The following ALG1 variants were observed in gnomAD, a reference collection of about 807,000 sequenced individuals.
The protein encoded by ALG1 is ALG1 chitobiosyldiphosphodolichol beta-mannosyltransferase, also known as chitobiosyldiphosphodolichol beta-mannosyltransferase.
In ALG1, 58 loss-of-function variants were observed where a neutral mutation model predicts 55.1. The ratio of observed to expected loss-of-function variants is 1.05; its 90% CI spans 0.85 to 1.31. The LOEUF (loss-of-function observed/expected upper bound fraction) is 1.31, where lower values mean the gene tolerates loss of function less well. ALG1 is among the 50% of genes most tolerant of loss of function. The pLI, the probability that ALG1 is intolerant of heterozygous loss-of-function variation, is 0.00. For synonymous variants in ALG1, 309 were observed against 247.0 expected, an observed-to-expected ratio of 1.25 and a Z score of -2.35; for missense variants, 761 against 598.6, an observed-to-expected ratio of 1.27 and a Z score of -2.83.
intron 10 of ALG1, 54 bp downstream of exon 10, chr16:5,081,110 G>GGGGGGGGGT: frequency 1.9e-6 from 1 of 519,952 alleles, no homozygotes; most frequent in Non-Finnish European, 3.5e-6. Context: ...GGGTGGGCGG[G>GGGGGGGGGT]ATGTACTTTT....
rs1567173876 is a variant in ALG1 at position 5,085,164 on chromosome 16, T to G, written c.*283T>G. On this transcript the variant is annotated 3_prime_UTR_variant, in exon 13 of 13. Transcript: ENST00000262374. ...TGTTCTGTGACTTCCCTGTGACCTC[T>G]GCAGAACTCCTCATCCTGCGTTTGG... The G allele has an allele frequency of 1.7e-6, 1 of 599,460 alleles. No homozygotes were observed. Among genetic ancestry groups the G allele is most frequent in the Non-Finnish European group, 2.9e-6 (1 of 343,104 alleles). 37.1% of individuals were successfully genotyped at this position (599,460 alleles called of 1,614,324 possible). A position where few individuals can be genotyped will look rare whatever the true frequency, so the allele number is the denominator to read the frequency against.
chr16:5,077,814 C>T (rs1459753113), intron 5 of ALG1, 93 bp from the exon 6 acceptor site: 15 of 1,245,598 alleles, frequency 1.2e-5, no homozygotes, highest in Non-Finnish European at 1.7e-5. Flanking sequence ...CTTGGATTCC[C>T]CAAGCGTCCT....
chr16:5,079,400 T>A (rs551435068), intron 8 of ALG1, among the ~76,000 whole-genome samples: 144 of 152,068 alleles, frequency 9.5e-4, no homozygotes, highest in Non-Finnish European at 1.7e-3. Context: ...ATTTAAAAAT[T>A]TTTTTCTGAA....
At position 5,083,770 on chromosome 16, in the gene ALG1, G is replaced by A. The variant is rs781334770; in HGVS notation, c.1263+13G>A. ...AGCTCAGCTGCAGGTAGCCACGTCT[G>A]CCACCACGCCAGGGTGGGGAGGGTT... On this transcript the variant is annotated intron_variant, in intron 12 of 12. Coordinates refer to ENST00000262374, the MANE Select transcript of ALG1 (RefSeq NM_019109.5). The A allele has an allele frequency of 1.3e-6, 2 of 1,597,598 alleles. No homozygotes were observed. Among genetic ancestry groups the A allele is most frequent in the Non-Finnish European group, 1.7e-6 (2 of 1,179,778 alleles).
At chr16:5,077,287 T>C (rs1956930137) in intron 4 of ALG1, among the ~76,000 whole-genome samples, 158 bp from the exon 5 acceptor site, 1 of 152,136 alleles carries the variant, frequency 6.6e-6, no homozygotes, top group Non-Finnish European at 1.5e-5. Context: ...AAGGAGGGTA[T>C]ATACAGCATA....
chr16:5,086,774 C>A lies in ALG1; in HGVS notation c.*1893C>A, dbSNP rs552855261. 3 of 152,366 alleles carry A rather than the reference C, an allele frequency of 2.0e-5. No individual in the cohort carries two copies. In the East Asian group the frequency reaches 5.8e-4, roughly 29 times the overall value. The allele number at this position is 152,366 out of a possible 1,614,324, so 9.4% of individuals were successfully genotyped here. A position where few individuals can be genotyped will look rare whatever the true frequency, so the allele number is the denominator to read the frequency against. ...CAACGCCTCCCAGGTTCAAGTGATT[C>A]TCCTGCCTCAGTCTCCCGAGTAGCT... On this transcript the variant is annotated 3_prime_UTR_variant, in exon 13 of 13. Transcript: ENST00000262374.
Position 5,079,099 on chromosome 16 carries a change from G to C in ALG1, c.898G>C (p.Glu300Gln). 6.3e-7 allele frequency: 1 copy of C among 1,597,164 alleles called. No individual in the cohort carries two copies. Among genetic ancestry groups the C allele is most frequent in the Non-Finnish European group, 8.5e-7 (1 of 1,179,572 alleles). The change falls in exon 8 of 13, where the codon GAA becomes CAA. Residue 300 changes from glutamate to glutamine, a missense_variant. By Grantham distance (29) the Glu-to-Gln change is conservative. Coordinates refer to ENST00000262374, the MANE Select transcript of ALG1 (RefSeq NM_019109.5). ...CTTCTCCATCCTGCTGGCAGCTTTAGAAAGTAGGTGTGTGGCTGCGGTGAG... is the reference window on the plus strand; with the variant it reads ...CTTCTCCATCCTGCTGGCAGCTTTACAAAGTAGGTGTGTGGCTGCGGTGAG... ...EDFSILLAAL[E>Q]KFEQLTLDGH...
intron 9 of ALG1, among the ~76,000 whole-genome samples, chr16:5,080,629 C>T (rs886756397): frequency 6.6e-6 from 1 of 152,212 alleles, no homozygotes; most frequent in Non-Finnish European, 1.5e-5. Context: ...GTCCCCTGTG[C>T]ACAACACAGA....
chr16:5,078,844 G>T lies in ALG1; in HGVS notation c.828G>T (p.Arg276=). 1 of 1,611,900 alleles carries T rather than the reference G, an allele frequency of 6.2e-7. No individual in the cohort carries two copies. Among genetic ancestry groups the T allele is most frequent in the Non-Finnish European group, 8.5e-7 (1 of 1,179,756 alleles). ...GSGLVTRLRE[R]PALLVSSTSW... The stretch of plus-strand genomic sequence containing the variant: ...GGCTGGTGACGCGTCTCCGTGAGCG[G>T]CCAGCCCTGCTGGTCAGCAGCACGA... Residue 276 remains arginine (R), a synonymous_variant, in exon 7 of 13, where the codon CGG becomes CGT. Coordinates refer to ENST00000262374, the MANE Select transcript of ALG1 (RefSeq NM_019109.5).
At chr16:5,081,455 AT>A (rs1957016784) in intron 10 of ALG1, among the ~76,000 whole-genome samples, 1 of 152,126 alleles carries the variant, frequency 6.6e-6, no homozygotes, top group African/African-American at 2.4e-5. Flanking sequence ...TTCCCCGTTG[AT>A]TTCTCCAAGT....
At chr16:5,073,300 A>C (rs1038806552) in intron 3 of ALG1, 44 bp downstream of exon 3, 17 of 1,567,744 alleles carry the variant, frequency 1.1e-5, no homozygotes, top group Non-Finnish European at 1.4e-5. Context: ...CCATGTTAGC[A>C]GTTTACTTTC....
chr16:5,083,846 G>A, intron 12 of ALG1, 89 bp downstream of exon 12: 1 of 1,583,164 alleles, frequency 6.3e-7, no homozygotes, highest in Non-Finnish European at 8.5e-7. Flanking sequence ...CCCACAGCCA[G>A]GGTGGGACCA....
intron 4 of ALG1, among the ~76,000 whole-genome samples, chr16:5,076,283 C>T (rs556425256): frequency 1.3e-5 from 2 of 152,360 alleles, no homozygotes; most frequent in Non-Finnish European, 2.9e-5. Flanking sequence ...CTGTGGCCTT[C>T]GCCCTGATAG....
In ALG1 at chr16:5,082,603, C is replaced by G. The variant is rs751179598; in HGVS notation, c.1117C>G (p.Leu373Val). 2.5e-6 allele frequency: 4 copies of G among 1,612,050 alleles called. No homozygotes were observed. Among genetic ancestry groups the G allele is most frequent in the Non-Finnish European group, 3.4e-6 (4 of 1,179,872 alleles). ...CTGTCTGCACACGTCCTCCAGTGGC[C>G]TGGACCTGCCCATGAAGGTGGTGGA... Reference protein sequence around the residue: ...GVCLHTSSSGLDLPMKVVDMF... With the variant: ...GVCLHTSSSGVDLPMKVVDMF... The change falls in exon 11 of 13, where the codon CTG becomes GTG. Residue 373 changes from leucine to valine, a missense_variant. Transcript: ENST00000262374.
Position 5,075,660 on chromosome 16 carries a change from C to G in ALG1, c.539+124C>G, listed in dbSNP as rs549386429. The G allele has an allele frequency of 2.8e-5, 35 of 1,233,014 alleles. No homozygotes were observed. In the African/African-American group the frequency reaches 4.6e-4, roughly 16 times the overall value. The allele number at this position is 1,233,014 out of a possible 1,614,324, so 76.4% of individuals were successfully genotyped here. A position where few individuals can be genotyped will look rare whatever the true frequency, so the allele number is the denominator to read the frequency against. On this transcript the variant is annotated intron_variant, in intron 4 of 12. Transcript: ENST00000262374. ...GGGCTCTGCAGGAGGTGGGGTGAGG[C>G]TGGTGAATCAGGCCGAATGCTGGTT...
intron 6 of ALG1, 197 bp from the exon 7 acceptor site, chr16:5,078,560 T>C (rs1956956579): frequency 1.1e-6 from 1 of 890,468 alleles, no homozygotes; most frequent in Non-Finnish European, 1.8e-6. Flanking sequence ...TTGTTTGCTG[T>C]TGTAACCTTA....
At position 5,085,848 on chromosome 16, in the gene ALG1, A is replaced by C; in HGVS notation, c.*967A>C. ...GGTAGGGGGGTGTCCAAGTCAGTTT[A>C]CTTGGTTCACAGGTTCCCAGGCCCA... is the stretch of plus-strand genomic sequence containing the variant. On this transcript the variant is annotated 3_prime_UTR_variant, in exon 13 of 13. Coordinates refer to ENST00000262374, the MANE Select transcript of ALG1 (RefSeq NM_019109.5). 1.2e-6 allele frequency: 1 copy of C among 833,220 alleles called. No homozygotes were observed. Among genetic ancestry groups the C allele is most frequent in the Non-Finnish European group, 2.1e-6 (1 of 479,166 alleles). The allele number at this position is 833,220 out of a possible 1,614,324, so 51.6% of individuals were successfully genotyped here.
Position 5,073,191 on chromosome 16 carries a change from C to A in ALG1, c.325C>A (p.Leu109Ile). 1 of 1,614,200 alleles carries A rather than the reference C, an allele frequency of 6.2e-7. No individual in the cohort carries two copies. The change falls in exon 3 of 13, where the codon CTT becomes ATT. Residue 109 changes from leucine (L) to isoleucine (I), a missense_variant. Leu to Ile is a conservative substitution (Grantham distance 5). Transcript: ENST00000262374. ...TTTCCAGTACGGAGTCAAAGTTGTA[C>A]TTCAGGCTATGTACTTGCTGTGGAA... ...RVFQYGVKVV[L>I]QAMYLLWKLM...
At chr16:5,077,070 C>T (rs1385253627) in intron 4 of ALG1, among the ~76,000 whole-genome samples, 9 of 152,130 alleles carry the variant, frequency 5.9e-5, no homozygotes, top group Non-Finnish European at 1.3e-4. Flanking sequence ...CAGGCATGAG[C>T]CACCGCGCCT....
Sources: allele counts gnomAD v4.1 joint callset (sites outside exome capture counted in the v4.1 genomes callset), GRCh38; gene constraint gnomAD v4.1.1; transcripts MANE v1.5; gene names NCBI Gene and HGNC (gene_info 2026-07-23, HGNC 2026-07-21).